The following KIAA1143 variants were observed in gnomAD, a reference collection of about 807,000 sequenced individuals.
KIAA1143 encodes the protein KIAA1143, also known as uncharacterized protein KIAA1143.
KIAA1143 carries 8 observed loss-of-function variants against 17.0 expected under a neutral mutation model. The observed-to-expected ratio is 0.47, with a 90% CI of 0.28 to 0.85. The LOEUF (loss-of-function observed/expected upper bound fraction) is 0.85, where lower values mean the gene tolerates loss of function less well. Ranked by LOEUF, KIAA1143 falls within the 40% of genes least tolerant of loss-of-function variation. The probability of loss-of-function intolerance (pLI) is 0.12; values close to 1 mark genes in which losing one functional copy is unlikely to be tolerated. For missense variants in KIAA1143, 162 were observed against 183.3 expected (o/e 0.88, Z 0.67); for synonymous variants, 64 against 67.8 (o/e 0.94, Z 0.27).
rs1449856990 is a variant in KIAA1143 at position 44,749,182 on chromosome 3, A to G, written c.*4159T>C. ...GGCAGGTGGATCATGAGGTCAGGAG[A>G]TTGAGACCATCCTGGCTAACAAAGT... On this transcript the variant is annotated 3_prime_UTR_variant, in exon 3 of 3. Coordinates refer to ENST00000296121, the MANE Select transcript of KIAA1143 (RefSeq NM_020696.4). The G allele has an allele frequency of 2.6e-5, 4 of 152,110 alleles. No homozygotes were observed. The highest frequency in any genetic ancestry group is 9.7e-5 in the African/African-American group (4 of 41,414). 9.4% of individuals were successfully genotyped at this position (152,110 alleles called of 1,614,324 possible).
Position 44,761,419 on chromosome 3 carries a change from C to T in KIAA1143, c.108+76G>A. ...GAAAAGAGGGACCCGACAGCACCCA[C>T]CCTCCAAGTAGAGGCAAAAGTTGAA... On this transcript the variant is annotated intron_variant, in intron 1 of 2. Coordinates refer to ENST00000296121, the MANE Select transcript of KIAA1143 (RefSeq NM_020696.4). 3 of 1,162,680 alleles carry T rather than the reference C, an allele frequency of 2.6e-6. No individual in the cohort carries two copies. In the South Asian group the frequency reaches 4.0e-5, roughly 16 times the overall value. The allele number at this position is 1,162,680 out of a possible 1,614,324, so 72.0% of individuals were successfully genotyped here. A position where few individuals can be genotyped will look rare whatever the true frequency, so the allele number is the denominator to read the frequency against.
At chr3:44,754,960 C>T (rs746322850) in intron 1 of KIAA1143, among the ~76,000 whole-genome samples, 13 of 152,114 alleles carry the variant, frequency 8.5e-5, no homozygotes, top group Non-Finnish European at 1.0e-4. Context: ...TATGAAATTT[C>T]TCAAACATAA....
At position 44,753,486 on chromosome 3, in the gene KIAA1143, T is replaced by C. The variant is rs750847256; in HGVS notation, c.320A>G (p.Glu107Gly). Residue 107 changes from glutamate to glycine, a missense_variant, in exon 3 of 3, where the codon GAA becomes GGA. Transcript: ENST00000296121. ...YRKPVKHPSD[E>G]KYSGLTASSK... ...GCTTGCTGTTAAACCTGAATATTTTTCATCTGAGGGATGCTTGACTGGTTT... is the reference window on the plus strand; with the variant it reads ...GCTTGCTGTTAAACCTGAATATTTTCCATCTGAGGGATGCTTGACTGGTTT... 1.9e-6 allele frequency: 3 copies of C among 1,612,494 alleles called. No individual in the cohort carries two copies. The highest frequency in any genetic ancestry group is 2.5e-6 in the Non-Finnish European group (3 of 1,178,698).
chr3:44,749,096 CTT>C lies in KIAA1143; in HGVS notation c.*4243_*4244del, dbSNP rs1271473887. 2 of 152,060 alleles carry C rather than the reference CTT, an allele frequency of 1.3e-5. No homozygotes were observed. Among genetic ancestry groups the C allele is most frequent in the Non-Finnish European group, 2.9e-5 (2 of 68,038 alleles). The allele number at this position is 152,060 out of a possible 1,614,324, so 9.4% of individuals were successfully genotyped here. ...CAGTGTTCTTTATAGGTACTTAAAA[CTT>C]AAAAAAAGGCCCAGGCGCGGTGGCT... On this transcript the variant is annotated 3_prime_UTR_variant, in exon 3 of 3. Transcript: ENST00000296121.
rs1317405132 is a variant in KIAA1143, at chr3:44,761,599, T to C, written c.4A>G (p.Ser2Gly). ...ACGTACGATACCTGGTTCCGCTTGC[T>C]CATGGTAGCTCTGGGTAAAGACAGA... MSKRNQVSYVRP... is the reference protein window; with the variant it reads MGKRNQVSYVRP... The change falls in exon 1 of 3, where the codon AGC (serine) becomes GGC (glycine). Residue 2 changes from serine to glycine, a missense_variant. Transcript: ENST00000296121. 1 of 1,593,076 alleles carries C rather than the reference T, an allele frequency of 6.3e-7. No homozygotes were observed. Among genetic ancestry groups the C allele is most frequent in the African/African-American group, 1.5e-5 (1 of 67,480 alleles).
chr3:44,761,591 C>G lies in KIAA1143; in HGVS notation c.12G>C (p.Arg4=). Residue 4 remains arginine, a synonymous_variant, in exon 1 of 3, where the codon CGG becomes CGC. Transcript: ENST00000296121. The stretch of plus-strand genomic sequence containing the variant: ...CTGGCCGCACGTACGATACCTGGTT[C>G]CGCTTGCTCATGGTAGCTCTGGGTA... MSK[R]NQVSYVRPAE... 1 of 1,608,738 alleles carries G rather than the reference C, an allele frequency of 6.2e-7. No homozygotes were observed. Among genetic ancestry groups the G allele is most frequent in the Non-Finnish European group, 8.5e-7 (1 of 1,179,008 alleles).
intron 1 of KIAA1143, among the ~76,000 whole-genome samples, chr3:44,756,983 G>T (rs1704982835): frequency 6.6e-6 from 1 of 152,164 alleles, no homozygotes; most frequent in Admixed American, 6.5e-5. Flanking sequence ...TTGCCAAACT[G>T]ATTAAAAATG....
chr3:44,757,201 C>A (rs1704986333), intron 1 of KIAA1143, among the ~76,000 whole-genome samples: 1 of 152,212 alleles, frequency 6.6e-6, no homozygotes, highest in Non-Finnish European at 1.5e-5. Flanking sequence ...CTCATCTTCT[C>A]CTCATCGCTC....
rs1476198296 is a variant in KIAA1143, at chr3:44,750,437, A to G, written c.*2904T>C. The G allele has an allele frequency of 6.7e-6, 1 of 150,198 alleles. No individual in the cohort carries two copies. Among genetic ancestry groups the G allele is most frequent in the Non-Finnish European group, 1.5e-5 (1 of 67,694 alleles). 9.3% of individuals were successfully genotyped at this position (150,198 alleles called of 1,614,324 possible). On this transcript the variant is annotated 3_prime_UTR_variant, in exon 3 of 3. Transcript: ENST00000296121. Reference sequence around the variant, plus strand: ...CTAAAATTCTGATATGTCTTAATATATGTTGTAATGATTATGTTAAATTGT... The same window carrying G: ...CTAAAATTCTGATATGTCTTAATATGTGTTGTAATGATTATGTTAAATTGT...
At chr3:44,757,208 G>A (rs1042714184) in intron 1 of KIAA1143, among the ~76,000 whole-genome samples, 2 of 152,212 alleles carry the variant, frequency 1.3e-5, no homozygotes, top group East Asian at 3.9e-4. Flanking sequence ...TCTCCTCATC[G>A]CTCAATCTAT....
rs748930842 is a variant in KIAA1143, at chr3:44,754,175, C to A, written c.253+49G>T. ...ACTAAATAAAATAAACAATTTCATA[C>A]CCTGGGCTCCTTAAATTGTTAGAAA... On this transcript the variant is annotated intron_variant, in intron 2 of 2. Transcript: ENST00000296121. The A allele has an allele frequency of 3.5e-5, 55 of 1,586,116 alleles. No homozygotes were observed. In the East Asian group the frequency reaches 1.2e-3, roughly 35 times the overall value.
intron 1 of KIAA1143, among the ~76,000 whole-genome samples, chr3:44,759,607 T>C (rs1413927790): frequency 1.3e-5 from 2 of 152,060 alleles, no homozygotes; most frequent in Non-Finnish European, 2.9e-5. Flanking sequence ...TCTCTAGCTA[T>C]GAAAGTCCTA....
chr3:44,758,249 G>A (rs192637403), intron 1 of KIAA1143, among the ~76,000 whole-genome samples: 208 of 152,272 alleles, frequency 1.4e-3, no homozygotes, highest in African/African-American at 4.5e-3. Flanking sequence ...GCTGAAAGGC[G>A]GGGTGGCTGT....
At chr3:44,755,090 CAACTT>C (rs1274480499) in intron 1 of KIAA1143, among the ~76,000 whole-genome samples, 3 of 152,272 alleles carry the variant, frequency 2.0e-5, no homozygotes, top group African/African-American at 7.2e-5. Flanking sequence ...CCCACTCCCA[CAACTT>C]AACTCAAAAA....
Position 44,751,570 on chromosome 3 carries a change from G to A in KIAA1143, c.*1771C>T, listed in dbSNP as rs954680618. 2 of 152,098 alleles carry A rather than the reference G, an allele frequency of 1.3e-5. No individual in the cohort carries two copies. The highest frequency in any genetic ancestry group is 4.8e-5 in the African/African-American group (2 of 41,408). 9.4% of individuals were successfully genotyped at this position (152,098 alleles called of 1,614,324 possible). Reference sequence around the variant, plus strand: ...GATGTCAACCAATCAGGATTAGTAAGGGACACCACCTGAAAACTAGCTGAC... The same window carrying A: ...GATGTCAACCAATCAGGATTAGTAAAGGACACCACCTGAAAACTAGCTGAC... On this transcript the variant is annotated 3_prime_UTR_variant, in exon 3 of 3. Transcript: ENST00000296121.
chr3:44,754,024 T>G (rs1410255687), intron 2 of KIAA1143, among the ~76,000 whole-genome samples, 200 bp downstream of exon 2: 2 of 152,312 alleles, frequency 1.3e-5, no homozygotes, highest in East Asian at 3.9e-4. Context: ...TAGGTACAAT[T>G]ATTTCCATTT....
At chr3:44,754,600 G>A (rs1223507356) in intron 1 of KIAA1143, among the ~76,000 whole-genome samples, 1 of 152,182 alleles carries the variant, frequency 6.6e-6, no homozygotes, top group African/African-American at 2.4e-5. Context: ...ATCTCAGCAG[G>A]ACCCAGCTTG....
At chr3:44,753,987 T>C (rs1704928731) in intron 2 of KIAA1143, among the ~76,000 whole-genome samples, 1 of 152,166 alleles carries the variant, frequency 6.6e-6, no homozygotes, top group African/African-American at 2.4e-5. Flanking sequence ...TTACTTAAAT[T>C]CACACTTAAT....
At position 44,750,302 on chromosome 3, in the gene KIAA1143, G is replaced by A. The variant is rs1704877992; in HGVS notation, c.*3039C>T. 1 of 152,178 alleles carries A rather than the reference G, an allele frequency of 6.6e-6. No homozygotes were observed. Among genetic ancestry groups the A allele is most frequent in the Admixed American group, 6.5e-5 (1 of 15,276 alleles). The allele number at this position is 152,178 out of a possible 1,614,324, so 9.4% of individuals were successfully genotyped here. A position where few individuals can be genotyped will look rare whatever the true frequency, so the allele number is the denominator to read the frequency against. On this transcript the variant is annotated 3_prime_UTR_variant, in exon 3 of 3. Coordinates refer to ENST00000296121, the MANE Select transcript of KIAA1143 (RefSeq NM_020696.4). ...GGCTTATATTAGGCTTATTTGTAAT[G>A]TTTGAATTATACAGGAAACATTGTC...
Sources: allele counts gnomAD v4.1 joint callset (sites outside exome capture counted in the v4.1 genomes callset), GRCh38; gene constraint gnomAD v4.1.1; transcripts MANE v1.5; gene names NCBI Gene and HGNC (gene_info 2026-07-23, HGNC 2026-07-21).